FBXL17: variants seen among roughly 807,000 people sequenced by gnomAD.
The protein encoded by FBXL17 is F-box and leucine rich repeat protein 17, also known as F-box/LRR-repeat protein 17.
Under a neutral mutation model 66.2 loss-of-function variants are expected in FBXL17, and 22 were observed. The observed-to-expected ratio is 0.33, with a 90% CI of 0.24 to 0.47. The LOEUF is 0.47. Ranked by LOEUF, FBXL17 falls within the 20% of genes least tolerant of loss-of-function variation. FBXL17 has a pLI of 1.00. For synonymous variants in FBXL17, 474 were observed against 400.5 expected (o/e 1.18, Z -2.19); for missense variants, 878 against 948.2 (o/e 0.93, Z 0.97).
chr5:108,140,072 A>C (rs1400044130), intron 6 of FBXL17, among the ~76,000 whole-genome samples: 1 of 152,140 alleles, frequency 6.6e-6, no homozygotes, highest in Non-Finnish European at 1.5e-5. Flanking sequence ...TGTTTGAGAC[A>C]GGGTACTCTG....
intron 4 of FBXL17, among the ~76,000 whole-genome samples, chr5:108,295,442 G>A (rs935592105): frequency 1.2e-4 from 18 of 151,764 alleles, no homozygotes; most frequent in Admixed American, 9.9e-4. Flanking sequence ...TTTACTGAAG[G>A]GCTAGGGAAT....
chr5:107,886,274 TAGG>T (rs1193164588), intron 7 of FBXL17, among the ~76,000 whole-genome samples: 1 of 151,908 alleles, frequency 6.6e-6, no homozygotes, highest in Admixed American at 6.6e-5. Flanking sequence ...AATAAGAAAA[TAGG>T]AGAGGCACAC....
At chr5:108,147,062 T>C (rs1048078953) in intron 6 of FBXL17, among the ~76,000 whole-genome samples, 2 of 152,134 alleles carry the variant, frequency 1.3e-5, no homozygotes, top group Admixed American at 6.5e-5. Context: ...GGCATTCACT[T>C]CAACTTCTTT....
chr5:108,088,771 T>C (rs1193614500), intron 6 of FBXL17, among the ~76,000 whole-genome samples: 2 of 138,282 alleles, frequency 1.4e-5, no homozygotes, highest in East Asian at 2.5e-4. Flanking sequence ...AAGGCCTCTA[T>C]CCCTTCTCAC....
chr5:108,119,500 G>C (rs1427246601), intron 6 of FBXL17, among the ~76,000 whole-genome samples: 1 of 152,138 alleles, frequency 6.6e-6, no homozygotes, highest in Non-Finnish European at 1.5e-5. Context: ...ATTGTTAACA[G>C]AAAATCAGGA....
intron 4 of FBXL17, among the ~76,000 whole-genome samples, chr5:108,274,221 G>A (rs545899993): frequency 7.2e-5 from 11 of 152,262 alleles, no homozygotes; most frequent in South Asian, 4.2e-4. Flanking sequence ...AAGCCTGGGC[G>A]TGCTACGGGA....
intron 7 of FBXL17, among the ~76,000 whole-genome samples, chr5:107,939,020 G>C (rs553173499): frequency 2.1e-3 from 324 of 152,208 alleles, no homozygotes; most frequent in African/African-American, 7.2e-3. Context: ...AGACGAAATA[G>C]AATTTAGCGT....
At chr5:108,174,680 C>T (rs1752725887) in intron 6 of FBXL17, among the ~76,000 whole-genome samples, 2 of 128,074 alleles carry the variant, frequency 1.6e-5, no homozygotes, top group East Asian at 2.4e-4. Flanking sequence ...AAAAGTACTA[C>T]AAGAAGAGCT....
Position 108,174,266 on chromosome 5 carries a change from T to C in FBXL17, c.1745+11851A>G, listed in dbSNP as rs6596769. Among the ~76,000 whole-genome samples the C allele has an allele frequency of 8.2e-3, 1,244 of 152,300 alleles. 22 individuals carry two copies. Among genetic ancestry groups the C allele is most frequent in the African/African-American group, 0.028 (1,178 of 41,558 alleles). ...TAAATAACCTTATTTTGTTTAATTA[T>C]TTCAAAGTACTATATGGATGAGAGA... On this transcript the variant is annotated intron_variant, in intron 6 of 8. Coordinates refer to ENST00000542267, the MANE Select transcript of FBXL17 (RefSeq NM_001163315.3).
At chr5:107,995,462 A>C (rs1220468116) in intron 7 of FBXL17, among the ~76,000 whole-genome samples, 1 of 152,170 alleles carries the variant, frequency 6.6e-6, no homozygotes, top group Non-Finnish European at 1.5e-5. Context: ...AGAACCAAAA[A>C]GCCAGGATAC....
intron 8 of FBXL17, among the ~76,000 whole-genome samples, chr5:107,876,711 AT>A (rs35647718): frequency 6.6e-6 from 1 of 152,012 alleles, no homozygotes; most frequent in Non-Finnish European, 1.5e-5. Context: ...CTTTATCATG[AT>A]TTTTTTTGGT....
At chr5:108,012,075 G>A (rs1188796286) in intron 7 of FBXL17, among the ~76,000 whole-genome samples, 1 of 152,162 alleles carries the variant, frequency 6.6e-6, no homozygotes, top group Non-Finnish European at 1.5e-5. Context: ...ATGAAAAGCA[G>A]AGAAATTTGA....
Position 107,859,334 on chromosome 5 carries a change from G to A in FBXL17, c.*2386C>T, listed in dbSNP as rs1748055959. 1 of 145,850 alleles carries A rather than the reference G, an allele frequency of 6.9e-6. No homozygotes were observed. Among genetic ancestry groups the A allele is most frequent in the South Asian group, 2.2e-4 (1 of 4,564 alleles). 9.0% of individuals were successfully genotyped at this position (145,850 alleles called of 1,614,324 possible). A position where few individuals can be genotyped will look rare whatever the true frequency, so the allele number is the denominator to read the frequency against. On this transcript the variant is annotated 3_prime_UTR_variant, in exon 9 of 9. Transcript: ENST00000542267. The stretch of plus-strand genomic sequence containing the variant: ...TAAGCCTCATTTCAAAGCATCTAAT[G>A]AGAACACATTCAACAACCATCACAG...
Position 108,057,813 on chromosome 5 carries a change from T to G in FBXL17, c.1746-36812A>C, listed in dbSNP as rs1405734021. On this transcript the variant is annotated intron_variant, in intron 6 of 8. Transcript: ENST00000542267. ...ACAAAAAGTCCCTCTGTCAGACTAATAGTCAATAATAATTTTACCACTACT... is the reference window on the plus strand; with the variant it reads ...ACAAAAAGTCCCTCTGTCAGACTAAGAGTCAATAATAATTTTACCACTACT... 2.0e-5 allele frequency among the ~76,000 whole-genome samples: 3 copies of G among 152,232 alleles called. No homozygotes were observed. The South Asian group carries it at 6.2e-4, about 31-fold the overall frequency.
In FBXL17 at chr5:107,979,406, C is replaced by A. The variant is rs528665147; in HGVS notation, c.1822+41519G>T. On this transcript the variant is annotated intron_variant, in intron 7 of 8. Transcript: ENST00000542267. ...GTGGACCCATCAATGTTAAGGGAATCCATGGTAACCACACAAAGTAAACAT... is the reference window on the plus strand; with the variant it reads ...GTGGACCCATCAATGTTAAGGGAATACATGGTAACCACACAAAGTAAACAT... Among the ~76,000 whole-genome samples, 4 of 152,304 alleles carry A rather than the reference C, an allele frequency of 2.6e-5. No homozygotes were observed. The East Asian group carries it at 7.7e-4, about 29-fold the overall frequency.
intron 6 of FBXL17, among the ~76,000 whole-genome samples, chr5:108,065,161 T>G (rs1282137590): frequency 6.6e-6 from 1 of 152,172 alleles, no homozygotes; most frequent in African/African-American, 2.4e-5. Flanking sequence ...TGTATGTGTG[T>G]GTATGTATAT....
intron 7 of FBXL17, among the ~76,000 whole-genome samples, chr5:108,014,749 T>A (rs1460922730): frequency 2.0e-5 from 3 of 152,224 alleles, no homozygotes; most frequent in African/African-American, 7.2e-5. Context: ...GCTTTCATGC[T>A]GCTGATAAAG....
intron 4 of FBXL17, among the ~76,000 whole-genome samples, chr5:108,265,801 C>T (rs1269210095): frequency 3.3e-5 from 5 of 152,096 alleles, no homozygotes; most frequent in African/African-American, 1.2e-4. Context: ...AAATGCAGAT[C>T]CTATTTCAGT....
At chr5:107,880,267 C>T (rs1748743572) in intron 8 of FBXL17, 2 of 632,622 alleles carry the variant, frequency 3.2e-6, no homozygotes, top group Non-Finnish European at 3.9e-6. Context: ...GGGATAGAGA[C>T]AGGGTTTTCC....
Sources: allele counts gnomAD v4.1 joint callset (sites outside exome capture counted in the v4.1 genomes callset), GRCh38; gene constraint gnomAD v4.1.1; transcripts MANE v1.5; gene names NCBI Gene and HGNC (gene_info 2026-07-23, HGNC 2026-07-21).